Variants in RABGEF1 observed in about 807,000 individuals in gnomAD.
RABGEF1 encodes the protein rab5 GDP/GTP exchange factor.
Under a neutral mutation model 57.3 loss-of-function variants are expected in RABGEF1, and 26 were observed. The ratio of observed to expected loss-of-function variants is 0.45; its 90% confidence interval spans 0.33 to 0.63. The LOEUF (loss-of-function observed/expected upper bound fraction) is 0.63. Among genes scored for constraint, RABGEF1 ranks in the 20% least tolerant of loss-of-function variants. The pLI, the probability that RABGEF1 is intolerant of heterozygous loss-of-function variation, is 0.02. For synonymous variants in RABGEF1, 185 were observed against 210.7 expected, an observed-to-expected ratio of 0.88 and a Z score of 1.06; for missense variants, 464 against 607.6, an observed-to-expected ratio of 0.76 and a Z score of 2.48.
rs189422937 is a variant in RABGEF1 at position 66,714,994 on chromosome 7, G to A, written c.-815+2770G>A. On this transcript the variant is annotated intron_variant and NMD_transcript_variant, in intron 2 of 9. Transcript: ENST00000607882. ...GGTTATCGATTAGAAAACTTTCGTCGTCCTCCTCCTCCTCCTCTTCTTCTT... is the reference window on the plus strand; with the variant it reads ...GGTTATCGATTAGAAAACTTTCGTCATCCTCCTCCTCCTCCTCTTCTTCTT... 1.4e-4 allele frequency among the ~76,000 whole-genome samples: 21 copies of A among 152,016 alleles called. 1 individual carries two copies. The East Asian group carries it at 2.5e-3, about 18-fold the overall frequency.
chr7:66,796,881 C>G, intron 5 of RABGEF1: 1 of 444,826 alleles, frequency 2.2e-6, no homozygotes, highest in East Asian at 7.1e-5. Flanking sequence ...GTAGAGCCAC[C>G]GCACCCAGCT....
intron 6 of RABGEF1, 36 bp from the exon 7 acceptor site, chr7:66,799,287 C>T (rs746312786): frequency 2.0e-6 from 3 of 1,525,280 alleles, no homozygotes; most frequent in Non-Finnish European, 2.7e-6. Context: ...CACAGTTTAT[C>T]CTTGGAGCTC....
At position 66,771,913 on chromosome 7, in the gene RABGEF1, C is replaced by T; in HGVS notation, c.14C>T (p.Ser5Phe). 6.4e-7 allele frequency: 1 copy of T among 1,551,840 alleles called. No individual in the cohort carries two copies. Among genetic ancestry groups the T allele is most frequent in the Non-Finnish European group, 8.7e-7 (1 of 1,148,186 alleles). MSLK[S>F]ERRGIHVDQS... Reference sequence around the variant, plus strand: ...AGCAGGAAGAAGATGAGCCTTAAGTCTGAACGCCGAGGAATTCATGTGGAT... The same window carrying T: ...AGCAGGAAGAAGATGAGCCTTAAGTTTGAACGCCGAGGAATTCATGTGGAT... Residue 5 changes from serine (S) to phenylalanine (F), a missense_variant, in exon 2 of 9, where the codon TCT becomes TTT. Ser to Phe is a radical substitution (Grantham distance 155, BLOSUM62 -2). Around this residue, in one of 4 missense-constraint regions of RABGEF1, gnomAD observed 17 missense variants for 19.4 expected, o/e 0.88. Transcript: ENST00000284957.
At chr7:66,746,013 G>A (rs978870239) in intron 1 of RABGEF1, among the ~76,000 whole-genome samples, 1 of 152,102 alleles carries the variant, frequency 6.6e-6, no homozygotes, top group Non-Finnish European at 1.5e-5. Flanking sequence ...CTTATTAAAT[G>A]TACACTTCTT....
At chr7:66,787,433 T>C (rs567682659) in intron 4 of RABGEF1, among the ~76,000 whole-genome samples, 1 of 146,466 alleles carries the variant, frequency 6.8e-6, no homozygotes, top group East Asian at 2.1e-4. Context: ...AACCTCTGCC[T>C]CCCAGGTTCA....
the RABGEF1 span, among the ~76,000 whole-genome samples, chr7:66,657,541 G>C: frequency 1.3e-5 from 2 of 152,210 alleles, no homozygotes; most frequent in African/African-American, 2.4e-5. Flanking sequence ...AAATAAGAAA[G>C]CCAGCAGTGG....
At chr7:66,771,360 C>T (rs1474353047) in intron 1 of RABGEF1, among the ~76,000 whole-genome samples, 1 of 152,114 alleles carries the variant, frequency 6.6e-6, no homozygotes, top group African/African-American at 2.4e-5. Flanking sequence ...AGGATACTCT[C>T]AATCTCCTGA....
chr7:66,773,219 A>G (rs1481283097), intron 2 of RABGEF1, among the ~76,000 whole-genome samples: 1 of 152,174 alleles, frequency 6.6e-6, no homozygotes, highest in Non-Finnish European at 1.5e-5. Context: ...ATTTTAGCCG[A>G]GAACATGAAT....
At chr7:66,713,181 G>A (rs59436761) in intron 2 of RABGEF1, among the ~76,000 whole-genome samples, 83 of 135,080 alleles carry the variant, frequency 6.1e-4, no homozygotes, top group East Asian at 5.9e-3. Flanking sequence ...TCCCTCTGTC[G>A]CCCAGGCTGG....
intron 1 of RABGEF1, among the ~76,000 whole-genome samples, chr7:66,742,744 C>A (rs576835469): frequency 6.6e-6 from 1 of 152,262 alleles, no homozygotes; most frequent in South Asian, 2.1e-4. Flanking sequence ...GTAGCTAAGA[C>A]TGCAGATGCG....
the RABGEF1 span, among the ~76,000 whole-genome samples, chr7:66,664,876 T>C: frequency 6.6e-6 from 1 of 152,192 alleles, no homozygotes; most frequent in African/African-American, 2.4e-5. Context: ...TGCACGAGCA[T>C]GTGTTTAGTG....
the RABGEF1 span, among the ~76,000 whole-genome samples, chr7:66,660,675 T>C: frequency 6.6e-6 from 1 of 152,172 alleles, no homozygotes; most frequent in East Asian, 1.9e-4. Context: ...GTAAGAACAT[T>C]AAATTACTAA....
chr7:66,756,202 A>T, intron 1 of RABGEF1: 1 of 578,166 alleles, frequency 1.7e-6, no homozygotes, highest in Non-Finnish European at 2.8e-6. Flanking sequence ...ATCTCTAAAG[A>T]TGGCTAACCT....
intron 2 of RABGEF1, among the ~76,000 whole-genome samples, chr7:66,717,944 A>T (rs139947928): frequency 6.6e-6 from 1 of 152,344 alleles, no homozygotes; most frequent in East Asian, 1.9e-4. Context: ...TTTAAAACTC[A>T]GTAATTGTAT....
At chr7:66,722,598 G>A (rs1796170683) in intron 2 of RABGEF1, among the ~76,000 whole-genome samples, 1 of 152,120 alleles carries the variant, frequency 6.6e-6, no homozygotes, top group Non-Finnish European at 1.5e-5. Flanking sequence ...CCTAATTCAA[G>A]GTCACAAAGA....
intron 1 of RABGEF1, among the ~76,000 whole-genome samples, chr7:66,691,263 A>G: frequency 6.6e-6 from 1 of 152,198 alleles, no homozygotes; most frequent in South Asian, 2.1e-4. Flanking sequence ...AATTCTATAT[A>G]TTCCTAGGCA....
chr7:66,753,701 GTTT>G (rs1224800315), intron 1 of RABGEF1, among the ~76,000 whole-genome samples: 32 of 78,766 alleles, frequency 4.1e-4, no homozygotes, highest in East Asian at 2.5e-3. Flanking sequence ...TTTTGCCATC[GTTT>G]TTTTTTTTTT....
chr7:66,751,741 A>T (rs1801477483), intron 1 of RABGEF1, among the ~76,000 whole-genome samples: 1 of 152,300 alleles, frequency 6.6e-6, no homozygotes, highest in Non-Finnish European at 1.5e-5. Context: ...TCTTGAGAAC[A>T]ATGAGATTGC....
At chr7:66,706,882 C>T (rs1020420565) in intron 1 of RABGEF1, among the ~76,000 whole-genome samples, 6 of 147,586 alleles carry the variant, frequency 4.1e-5, no homozygotes, top group South Asian at 4.4e-4. Flanking sequence ...CCCGGGTTCA[C>T]GCCATTCTCC....
Sources: allele counts gnomAD v4.1 joint callset (sites outside exome capture counted in the v4.1 genomes callset), GRCh38; gene constraint gnomAD v4.1.1; regional missense constraint gnomAD v4.1.1; transcripts MANE v1.5; gene names NCBI Gene and HGNC (gene_info 2026-07-23, HGNC 2026-07-21).